ZNF486: variants seen among roughly 807,000 people sequenced by gnomAD.
The protein encoded by ZNF486 is zinc finger protein 486, also known as KRAB box only protein 2.
Under a neutral mutation model 12.8 loss-of-function variants are expected in ZNF486, and 12 were observed. The ratio of observed to expected loss-of-function variants is 0.94; its 90% CI spans 0.60 to 1.52. The LOEUF (loss-of-function observed/expected upper bound fraction) is 1.52, where lower values mean the gene tolerates loss of function less well. Among genes scored for constraint, ZNF486 ranks in the 40% most tolerant of loss-of-function variants. The probability of loss-of-function intolerance (pLI) is 0.00; values close to 1 mark genes in which losing one functional copy is unlikely to be tolerated. For synonymous variants in ZNF486, 231 were observed against 184.9 expected, an observed-to-expected ratio of 1.25 and a Z score of -2.02; for missense variants, 738 against 545.0, an observed-to-expected ratio of 1.35 and a Z score of -3.53.
Position 20,195,588 on chromosome 19 carries a change from A to G in ZNF486, c.254-1376A>G, listed in dbSNP as rs1326662623. Among the ~76,000 whole-genome samples the G allele has an allele frequency of 4.6e-5, 7 of 152,288 alleles. No homozygotes were observed. In the South Asian group the frequency reaches 6.2e-4, roughly 14 times the overall value. ...TATTTGGTATACATTATCATCTTTG[A>G]TAGAGATTTGGAAATTAACAAAAAG... is the stretch of plus-strand genomic sequence containing the variant. On this transcript the variant is annotated intron_variant, in intron 3 of 3. Coordinates refer to ENST00000335117, the MANE Select transcript of ZNF486 (RefSeq NM_052852.4).
At chr19:20,187,346 CTTAT>C (rs1375750844) in intron 3 of ZNF486, among the ~76,000 whole-genome samples, 2 of 152,012 alleles carry the variant, frequency 1.3e-5, no homozygotes, top group Non-Finnish European at 2.9e-5. Context: ...CGACTTTTTA[CTTAT>C]TTTTCTTTAA....
intron 3 of ZNF486, among the ~76,000 whole-genome samples, chr19:20,191,586 G>T (rs1248472531): frequency 7.0e-6 from 1 of 143,876 alleles, no homozygotes; most frequent in Non-Finnish European, 1.5e-5. Flanking sequence ...TGGCTAAGAC[G>T]GTGAAACCCC....
Position 20,197,300 on chromosome 19 carries a change from A to T in ZNF486, c.590A>T (p.His197Leu), listed in dbSNP as rs2089968712. 1 of 1,612,078 alleles carries T rather than the reference A, an allele frequency of 6.2e-7. No homozygotes were observed. Among genetic ancestry groups the T allele is most frequent in the Admixed American group, 1.7e-5 (1 of 59,662 alleles). Residue 197 changes from histidine (H) to leucine (L), a missense_variant, in exon 4 of 4, where the codon CAT becomes CTT. Coordinates refer to ENST00000335117, the MANE Select transcript of ZNF486 (RefSeq NM_052852.4). ...GDKAFNQSST[H>L]TTHKKIDTGE... Reference sequence around the variant, plus strand: ...AAAGCTTTTAACCAGTCCTCAACCCATACTACACATAAAAAAATTGATACT... The same window carrying T: ...AAAGCTTTTAACCAGTCCTCAACCCTTACTACACATAAAAAAATTGATACT...
At chr19:20,181,223 C>A (rs541466231) in intron 1 of ZNF486, among the ~76,000 whole-genome samples, 1 of 150,790 alleles carries the variant, frequency 6.6e-6, no homozygotes, top group Admixed American at 6.6e-5. Context: ...GCTCACAATT[C>A]CCTGAATCCC....
chr19:20,185,827 A>G (rs978183635), intron 2 of ZNF486, among the ~76,000 whole-genome samples, 160 bp from the exon 3 acceptor site: 43 of 151,724 alleles, frequency 2.8e-4, no homozygotes, highest in African/African-American at 1.0e-3. Context: ...GAAACCTTAA[A>G]GTTGAAAGTA....
At chr19:20,167,741 CT>C (rs2089600487) in intron 1 of ZNF486, among the ~76,000 whole-genome samples, 1 of 152,102 alleles carries the variant, frequency 6.6e-6, no homozygotes, top group African/African-American at 2.4e-5. Context: ...TTTCTCTTTT[CT>C]TTTGTTAAAA....
In ZNF486 at chr19:20,200,143, T is replaced by C. The variant is rs1407003858; in HGVS notation, c.*2041T>C. The C allele has an allele frequency of 1.3e-5, 2 of 149,838 alleles. No homozygotes were observed. The highest frequency in any genetic ancestry group is 5.1e-5 in the African/African-American group (2 of 39,162). The allele number at this position is 149,838 out of a possible 1,614,324, so 9.3% of individuals were successfully genotyped here. A position where few individuals can be genotyped will look rare whatever the true frequency, so the allele number is the denominator to read the frequency against. ...AAAGTGGGTAATGACATAATACAGCTTTCAAATTACTTTATGCTGTTATTT... is the reference window on the plus strand; with the variant it reads ...AAAGTGGGTAATGACATAATACAGCCTTCAAATTACTTTATGCTGTTATTT... On this transcript the variant is annotated 3_prime_UTR_variant, in exon 4 of 4. Transcript: ENST00000335117.
At chr19:20,178,130 G>T (rs1279306127) in intron 1 of ZNF486, among the ~76,000 whole-genome samples, 1 of 150,358 alleles carries the variant, frequency 6.7e-6, no homozygotes, top group African/African-American at 2.4e-5. Flanking sequence ...GTTTTACCAT[G>T]TTGGCCAGGC....
intron 1 of ZNF486, among the ~76,000 whole-genome samples, chr19:20,172,735 G>T (rs2089662945): frequency 6.8e-6 from 1 of 147,780 alleles, no homozygotes; most frequent in African/African-American, 2.5e-5. Flanking sequence ...TGCCTCCTGG[G>T]TTGGAGTGAT....
chr19:20,188,353 CACATA>C (rs2089870581), intron 3 of ZNF486: 3 of 396,964 alleles, frequency 7.6e-6, no homozygotes, highest in Non-Finnish European at 8.9e-6. Flanking sequence ...GTTTTAAAAA[CACATA>C]ACATAAAATT....
In ZNF486 at chr19:20,175,331, A is replaced by ATTTTTTTTTTTTTTTTTTTTTTTTTT. The variant is rs782300626; in HGVS notation, c.30+7990_30+7991insTTTTTTTTTTTTTTTTTTTTTTTTTT. On this transcript the variant is annotated intron_variant, in intron 1 of 3. Transcript: ENST00000335117. ...GGTGTCTGTTTCAGAAGCCCTATTAATTTTTTTTTTTTTTTTTTTATTGAT... is the reference window on the plus strand; with the variant it reads ...GGTGTCTGTTTCAGAAGCCCTATTAATTTTTTTTTTTTTTTTTTTTTTTTTTTTTTTTTTTTTTTTTTTTTATTGAT... 47 of 119,864 alleles carry ATTTTTTTTTTTTTTTTTTTTTTTTTT rather than the reference A, an allele frequency of 3.9e-4. 1 individual carries two copies. The highest frequency in any genetic ancestry group is 5.6e-4 in the East Asian group (2 of 3,588). The allele number at this position is 119,864 out of a possible 1,614,324, so 7.4% of individuals were successfully genotyped here. A position where few individuals can be genotyped will look rare whatever the true frequency, so the allele number is the denominator to read the frequency against.
At chr19:20,193,267 A>G (rs1294761040) in intron 3 of ZNF486, among the ~76,000 whole-genome samples, 1 of 151,706 alleles carries the variant, frequency 6.6e-6, no homozygotes, top group Non-Finnish European at 1.5e-5. Flanking sequence ...CTTATATTTT[A>G]TTAAAAAACT....
rs949660176 is a variant in ZNF486 at position 20,178,558 on chromosome 19, C to G, written c.31-5798C>G. 3.9e-5 allele frequency among the ~76,000 whole-genome samples: 6 copies of G among 152,130 alleles called. 1 individual carries two copies. The highest frequency in any genetic ancestry group is 8.8e-5 in the Non-Finnish European group (6 of 68,018). ...CGCCTGGCCAAAGAAAATTGTTCTT[C>G]TAATTATTGTTTCCAAACACTGTCT... On this transcript the variant is annotated intron_variant, in intron 1 of 3. Transcript: ENST00000335117.
intron 1 of ZNF486, among the ~76,000 whole-genome samples, chr19:20,184,138 T>C (rs913891074): frequency 6.6e-6 from 1 of 152,194 alleles, no homozygotes; most frequent in Admixed American, 6.5e-5. Flanking sequence ...TAGAAAAATA[T>C]CATTATATGA....
intron 3 of ZNF486, among the ~76,000 whole-genome samples, chr19:20,186,569 A>T (rs782491983): frequency 6.6e-6 from 1 of 152,126 alleles, no homozygotes; most frequent in Non-Finnish European, 1.5e-5. Flanking sequence ...GTTTGAAATT[A>T]TAAGTATGAT....
intron 3 of ZNF486, among the ~76,000 whole-genome samples, chr19:20,192,388 C>T (rs902076915): frequency 6.6e-6 from 1 of 152,170 alleles, no homozygotes; most frequent in African/African-American, 2.4e-5. Flanking sequence ...TCACTGCAAC[C>T]TCTGCCTCCC....
chr19:20,197,588 C>T lies in ZNF486; in HGVS notation c.878C>T (p.Pro293Leu). 1 of 1,613,662 alleles carries T rather than the reference C, an allele frequency of 6.2e-7. No homozygotes were observed. The highest frequency in any genetic ancestry group is 8.5e-7 in the Non-Finnish European group (1 of 1,179,828). The change falls in exon 4 of 4, where the codon CCC becomes CTC. Residue 293 changes from proline (P) to leucine (L), a missense_variant. Pro to Leu is a moderately conservative substitution (Grantham distance 98). Coordinates refer to ENST00000335117, the MANE Select transcript of ZNF486 (RefSeq NM_052852.4). The stretch of plus-strand genomic sequence containing the variant: ...AAGATAATCCATACTGGAGAGCAAC[C>T]CTACAAATGTAAAGAATGTGACAAA... ...THKIIHTGEQPYKCKECDKAF... is the reference protein window; with the variant it reads ...THKIIHTGEQLYKCKECDKAF...
At position 20,181,319 on chromosome 19, in the gene ZNF486, C is replaced by G. The variant is rs578075561; in HGVS notation, c.31-3037C>G. Among the ~76,000 whole-genome samples, 4 of 152,254 alleles carry G rather than the reference C, an allele frequency of 2.6e-5. No homozygotes were observed. The East Asian group carries it at 7.7e-4, about 29-fold the overall frequency. On this transcript the variant is annotated intron_variant, in intron 1 of 3. Coordinates refer to ENST00000335117, the MANE Select transcript of ZNF486 (RefSeq NM_052852.4). ...CTTTGGGAGGCCAAGGCGGGCAGAT[C>G]ATGAGGTCAGGAAATCGAGACCATC...
At chr19:20,181,541 AAC>A (rs2089786924) in intron 1 of ZNF486, among the ~76,000 whole-genome samples, 1 of 139,402 alleles carries the variant, frequency 7.2e-6, no homozygotes, top group Non-Finnish European at 1.5e-5. Context: ...CATCTCAAAA[AAC>A]AAAAAAAAAA....
Sources: gnomAD v4.1 joint callset for allele counts (sites outside exome capture counted in the v4.1 genomes callset) on GRCh38, gnomAD v4.1.1 for gene constraint, MANE v1.5 for transcripts, NCBI Gene and HGNC (gene_info 2026-07-23, HGNC 2026-07-21) for gene names.